Variants in PCDHGB2 observed in about 807,000 individuals in gnomAD.
PCDHGB2 encodes protocadherin gamma subfamily B, 2.
PCDHGB2 carries 55 observed loss-of-function variants against 59.3 expected under a neutral mutation model. That is an observed-to-expected ratio of 0.93 (90% confidence interval 0.75 to 1.16). PCDHGB2 has a LOEUF of 1.16. Ranked by LOEUF, PCDHGB2 falls within the 50% of genes most tolerant of loss-of-function variation. PCDHGB2 has a pLI of 0.00. For synonymous variants in PCDHGB2, 516 were observed against 512.0 expected (o/e 1.01, Z -0.11); for missense variants, 1,228 against 1,198.5 (o/e 1.02, Z -0.36).
At chr5:141,365,361 C>T (rs1223911772) in intron 1 of PCDHGB2, 6 of 1,613,832 alleles carry the variant, frequency 3.7e-6, no homozygotes, top group Admixed American at 1.7e-5. Context: ...AATGACAATG[C>T]CCCCGAAGTG....
intron 1 of PCDHGB2, chr5:141,418,797 A>T (rs201246978): frequency 1.9e-6 from 3 of 1,613,896 alleles, no homozygotes; most frequent in Non-Finnish European, 2.5e-6. Flanking sequence ...GAAGAAGTAG[A>T]AAGATATACG....
intron 1 of PCDHGB2, chr5:141,366,682 C>A: frequency 6.2e-7 from 1 of 1,614,238 alleles, no homozygotes; most frequent in Non-Finnish European, 8.5e-7. Flanking sequence ...GTGAAGAGAG[C>A]TGTGAGAAAA....
At chr5:141,474,252 A>T (rs1381172188) in intron 1 of PCDHGB2, among the ~76,000 whole-genome samples, 1 of 152,200 alleles carries the variant, frequency 6.6e-6, no homozygotes, top group Non-Finnish European at 1.5e-5. Flanking sequence ...GGAAAAAAAG[A>T]CTGATAAACC....
intron 1 of PCDHGB2, chr5:141,364,117 G>A: frequency 2.2e-6 from 1 of 453,996 alleles, no homozygotes; most frequent in Non-Finnish European, 3.8e-6. Flanking sequence ...TTAGGACTCT[G>A]AGTGTCGCTG....
intron 1 of PCDHGB2, chr5:141,413,768 TG>T (rs1158107882): frequency 2.5e-6 from 4 of 1,613,132 alleles, no homozygotes; most frequent in Non-Finnish European, 3.4e-6. Context: ...TACCCGGAGC[TG>T]GTACTGGAGC....
intron 1 of PCDHGB2, chr5:141,478,670 C>G: frequency 6.4e-7 from 1 of 1,551,664 alleles, no homozygotes; most frequent in East Asian, 2.4e-5. Flanking sequence ...TTCACACTTT[C>G]AACTGGCCCT....
intron 1 of PCDHGB2, chr5:141,372,361 C>T (rs1227917364): frequency 1.2e-6 from 2 of 1,613,834 alleles, no homozygotes; most frequent in Admixed American, 3.3e-5. Flanking sequence ...CCTCTTTCAG[C>T]CACCGTCATG....
chr5:141,432,452 C>G lies in PCDHGB2; in HGVS notation c.2422-62355C>G. The G allele has an allele frequency of 6.2e-7, 1 of 1,614,212 alleles. No individual in the cohort carries two copies. The highest frequency in any genetic ancestry group is 8.5e-7 in the Non-Finnish European group (1 of 1,180,042). On this transcript the variant is annotated intron_variant, in intron 1 of 3. Coordinates refer to ENST00000522605, the MANE Select transcript of PCDHGB2 (RefSeq NM_018923.3). The surrounding 1 kb of genome is among the most constrained non-coding windows in gnomAD (Gnocchi z 6.0). ...CGACAATGCGCCCGAGATCCTGTACCCCGCCCTCCCCACGGACGGTTCCAC... is the reference window on the plus strand; with the variant it reads ...CGACAATGCGCCCGAGATCCTGTACGCCGCCCTCCCCACGGACGGTTCCAC...
rs761347005 is a variant in PCDHGB2, at chr5:141,417,873, G to A, written c.2421+55317G>A. On this transcript the variant is annotated intron_variant, in intron 1 of 3. Coordinates refer to ENST00000522605, the MANE Select transcript of PCDHGB2 (RefSeq NM_018923.3). The stretch of plus-strand genomic sequence containing the variant: ...CCCGAGCGAACGATGGGAGGGAGCT[G>A]CGCGCAGAGGCGCCGGGCCGGCCCG... 4.2e-5 allele frequency: 65 copies of A among 1,555,230 alleles called. 2 individuals are homozygous for A. The Middle Eastern group carries it at 6.4e-3, about 152-fold the overall frequency.
intron 1 of PCDHGB2, chr5:141,424,411 C>T (rs1259102577): frequency 6.6e-6 from 1 of 152,154 alleles, no homozygotes; most frequent in Admixed American, 6.5e-5. Flanking sequence ...GGTGAAGTTA[C>T]ATTGACTGTT....
At chr5:141,376,928 C>G (rs928041482) in intron 1 of PCDHGB2, 1 of 168,908 alleles carries the variant, frequency 5.9e-6, no homozygotes, top group Non-Finnish European at 1.3e-5. Flanking sequence ...ACCTCATGAT[C>G]CACCCGCCTC....
At position 141,395,545 on chromosome 5, in the gene PCDHGB2, TGTG is replaced by T. The variant is rs1561655187; in HGVS notation, c.2421+32990_2421+32992del. The T allele has an allele frequency of 2.9e-4, 51 of 177,126 alleles. 1 individual carries two copies. The highest frequency in any genetic ancestry group is 1.2e-3 in the African/African-American group (46 of 38,988). 11.0% of individuals were successfully genotyped at this position (177,126 alleles called of 1,614,324 possible). A position where few individuals can be genotyped will look rare whatever the true frequency, so the allele number is the denominator to read the frequency against. ...ATACTGGTAATTTTGCTATTGTTTG[TGTG>T]TGTGTGTGTGTGTGTGTGTGTGTGT... is the stretch of plus-strand genomic sequence containing the variant. On this transcript the variant is annotated intron_variant, in intron 1 of 3. Coordinates refer to ENST00000522605, the MANE Select transcript of PCDHGB2 (RefSeq NM_018923.3).
intron 1 of PCDHGB2, chr5:141,427,194 T>G (rs759512205): frequency 6.6e-6 from 3 of 456,512 alleles, no homozygotes; most frequent in Non-Finnish European, 1.3e-5. Context: ...ATCCAAAGAC[T>G]TAATAGACTT....
At chr5:141,433,404 TATTA>T (rs142533293) in intron 1 of PCDHGB2, among the ~76,000 whole-genome samples, 252 of 146,310 alleles carry the variant, frequency 1.7e-3, no homozygotes, top group African/African-American at 6.2e-3. Context: ...TCTATCTATC[TATTA>T]CTTTCTTGTA....
At chr5:141,369,815 G>A (rs1204825120) in intron 1 of PCDHGB2, among the ~76,000 whole-genome samples, 2 of 152,150 alleles carry the variant, frequency 1.3e-5, no homozygotes, top group South Asian at 2.1e-4. Flanking sequence ...ACCAAAAATA[G>A]CTTCCATTTG....
intron 1 of PCDHGB2, chr5:141,404,933 A>C (rs2094586796): frequency 6.2e-7 from 1 of 1,613,764 alleles, no homozygotes; most frequent in Non-Finnish European, 8.5e-7. Flanking sequence ...TGTCACGCTC[A>C]CAGTAGCCAT....
intron 1 of PCDHGB2, among the ~76,000 whole-genome samples, chr5:141,465,505 G>A (rs905617997): frequency 6.6e-6 from 1 of 152,190 alleles, no homozygotes; most frequent in Non-Finnish European, 1.5e-5. Flanking sequence ...CATTGTCGTG[G>A]TCAGGAAGGA....
rs956295940 is a variant in PCDHGB2 at position 141,477,700 on chromosome 5, G to T, written c.2422-17107G>T. The T allele has an allele frequency of 1.2e-6, 2 of 1,613,954 alleles. No individual in the cohort carries two copies. Among genetic ancestry groups the T allele is most frequent in the African/African-American group, 2.7e-5 (2 of 74,928 alleles). On this transcript the variant is annotated intron_variant, in intron 1 of 3. Coordinates refer to ENST00000522605, the MANE Select transcript of PCDHGB2 (RefSeq NM_018923.3). This position sits in a 1 kb window ranked among gnomAD's most constrained non-coding sequence, Gnocchi z 4.9. ...CATCCTTAGTGCCCCTAGACTATGAGGATCGGCGGGAATTTGAATTAACAG... is the reference window on the plus strand; with the variant it reads ...CATCCTTAGTGCCCCTAGACTATGATGATCGGCGGGAATTTGAATTAACAG...
chr5:141,457,574 T>C (rs992522039), intron 1 of PCDHGB2, among the ~76,000 whole-genome samples: 2 of 152,238 alleles, frequency 1.3e-5, no homozygotes, highest in Non-Finnish European at 2.9e-5. Context: ...AAAATTTTTC[T>C]CTCCAGTCCT....
Sources: allele counts gnomAD v4.1 joint callset (sites outside exome capture counted in the v4.1 genomes callset), GRCh38; gene constraint gnomAD v4.1.1; non-coding constraint Gnocchi (gnomAD v3.1); transcripts MANE v1.5; gene names NCBI Gene and HGNC (gene_info 2026-07-23, HGNC 2026-07-21).